AP1G1: variants seen among roughly 807,000 people sequenced by gnomAD.
AP1G1 encodes the protein AP-1 complex subunit gamma-1.
In AP1G1, 7 loss-of-function variants were observed where a neutral mutation model predicts 108.3. The ratio of observed to expected loss-of-function variants is 0.06; its 90% CI spans 0.04 to 0.12. The LOEUF is 0.12. Ranked by LOEUF, AP1G1 falls within the 10% of genes least tolerant of loss-of-function variation. The probability of loss-of-function intolerance (pLI) is 1.00; values close to 1 mark genes in which losing one functional copy is unlikely to be tolerated. For synonymous variants in AP1G1, 379 were observed against 353.5 expected (o/e 1.07, Z -0.81); for missense variants, 756 against 1,010.7 (o/e 0.75, Z 3.42).
At chr16:71,735,019 C>G (rs145452815) in intron 21 of AP1G1, among the ~76,000 whole-genome samples, 2 of 152,334 alleles carry the variant, frequency 1.3e-5, no homozygotes, top group East Asian at 3.9e-4. Context: ...CTGGCAACTT[C>G]ACTTAATGGT....
At chr16:71,768,423 C>A (rs1356842562) in intron 6 of AP1G1, among the ~76,000 whole-genome samples, 1 of 134,716 alleles carries the variant, frequency 7.4e-6, no homozygotes, top group Non-Finnish European at 1.5e-5. Context: ...ATCACTTGAA[C>A]CCAGGAGGTG....
intron 6 of AP1G1, chr16:71,766,319 C>T (rs2031310995): frequency 8.3e-6 from 3 of 362,756 alleles, no homozygotes; most frequent in South Asian, 4.4e-5. Flanking sequence ...TGAGACTATA[C>T]ATTCCTTATA....
intron 16 of AP1G1, 45 bp from the exon 17 acceptor site, chr16:71,746,737 T>C (rs765790128): frequency 2.6e-5 from 37 of 1,436,618 alleles, no homozygotes; most frequent in Admixed American, 3.4e-5. Flanking sequence ...AAAAGAAAAT[T>C]CACAAATAAG....
intron 2 of AP1G1, among the ~76,000 whole-genome samples, chr16:71,782,361 A>G (rs1388215318): frequency 6.6e-6 from 1 of 151,588 alleles, no homozygotes; most frequent in Non-Finnish European, 1.5e-5. Flanking sequence ...ATGGGGTTTC[A>G]CTATGTTTGT....
At chr16:71,807,612 T>C (rs1362324114) in intron 1 of AP1G1, among the ~76,000 whole-genome samples, 3 of 152,116 alleles carry the variant, frequency 2.0e-5, no homozygotes, top group Admixed American at 6.6e-5. Context: ...ACGGTGGAAG[T>C]GAATATTTAA....
Position 71,756,066 on chromosome 16 carries a change from T to A in AP1G1, c.1182A>T (p.Pro394=), listed in dbSNP as rs1205959395. 6.2e-7 allele frequency: 1 copy of A among 1,613,400 alleles called. No homozygotes were observed. The stretch of plus-strand genomic sequence containing the variant: ...CAGATGCACAGTCTGCTTTAAATTC[T>A]GGCTCACACGAATCCAGAAAATAAA... The part of the protein sequence containing the change: ...ELLYFLDSCE[P]EFKADCASGI... Residue 394 remains proline (P), a synonymous_variant, in exon 12 of 23, where the codon CCA becomes CCT. Transcript: ENST00000299980.
rs940597162 is a variant in AP1G1, at chr16:71,799,959, G to A, written c.-4+8804C>T. On this transcript the variant is annotated intron_variant, in intron 1 of 22. Transcript: ENST00000299980. ...ATATTGGCTGGGTGCGGTGGCTCAC[G>A]CCTGTAACCCCAGCACTTTGGGAGG... is the stretch of plus-strand genomic sequence containing the variant. 3.0e-4 allele frequency among the ~76,000 whole-genome samples: 44 copies of A among 146,840 alleles called. 1 individual carries two copies. In the South Asian group the frequency reaches 4.5e-3, roughly 15 times the overall value.
At chr16:71,803,923 C>CAAAAA (rs534074123) in intron 1 of AP1G1, among the ~76,000 whole-genome samples, 6 of 73,660 alleles carry the variant, frequency 8.1e-5, no homozygotes, top group East Asian at 8.2e-4. Context: ...GACTCCGTCT[C>CAAAAA]AAAAAAAAAA....
In AP1G1 at chr16:71,773,296, G is replaced by A; in HGVS notation, c.393C>T (p.Ser131=). The A allele has an allele frequency of 6.2e-7, 1 of 1,603,416 alleles. No individual in the cohort carries two copies. The highest frequency in any genetic ancestry group is 1.3e-5 in the African/African-American group (1 of 74,184). Residue 131 remains serine, a synonymous_variant, in exon 4 of 23, where the codon TCC becomes TCT. Transcript: ENST00000299980. The part of the protein sequence containing the change: ...LALCTLGCMG[S]SEMCRDLAGE... ...CTGCAAGATCTCTGCACATCTCTGA[G>A]GAGCCCATGCAGCCGAGGGTACAAA...
At chr16:71,803,780 C>T (rs2032892939) in intron 1 of AP1G1, among the ~76,000 whole-genome samples, 1 of 151,972 alleles carries the variant, frequency 6.6e-6, no homozygotes, top group South Asian at 2.1e-4. Flanking sequence ...CAAAAATTAG[C>T]TAGGCATGGT....
chr16:71,777,522 G>A lies in AP1G1; in HGVS notation c.202-2930C>T, dbSNP rs915039602. On this transcript the variant is annotated intron_variant, in intron 2 of 22. Transcript: ENST00000299980. ...CAGGGCCCATAGCAAGGAGCCAGGCGAAGAGTGGCTGGACTTGTCTGTTCC... is the reference window on the plus strand; with the variant it reads ...CAGGGCCCATAGCAAGGAGCCAGGCAAAGAGTGGCTGGACTTGTCTGTTCC... 2.5e-4 allele frequency: 71 copies of A among 286,278 alleles called. 1 individual carries two copies. The Admixed American group carries it at 3.1e-3, about 12-fold the overall frequency. The allele number at this position is 286,278 out of a possible 1,614,324, so 17.7% of individuals were successfully genotyped here. A position where few individuals can be genotyped will look rare whatever the true frequency, so the allele number is the denominator to read the frequency against.
At chr16:71,790,021 T>A (rs1026460656) in intron 1 of AP1G1, among the ~76,000 whole-genome samples, 2 of 151,898 alleles carry the variant, frequency 1.3e-5, no homozygotes, top group Non-Finnish European at 2.9e-5. Flanking sequence ...ACTGTGTGTA[T>A]ACTTTGAAAA....
At chr16:71,746,811 AATTT>A (rs1240250237) in intron 16 of AP1G1, 119 bp from the exon 17 acceptor site, 1 of 666,560 alleles carries the variant, frequency 1.5e-6, no homozygotes, top group African/African-American at 1.8e-5. Context: ...ATTTTTTCTT[AATTT>A]ATATAGTTTT....
intron 21 of AP1G1, among the ~76,000 whole-genome samples, chr16:71,735,473 C>A (rs2045522119): frequency 6.6e-6 from 1 of 151,916 alleles, no homozygotes; most frequent in African/African-American, 2.4e-5. Flanking sequence ...ACCAGCCTGG[C>A]CAACACAGTG....
At chr16:71,803,594 T>C (rs2032886052) in intron 1 of AP1G1, among the ~76,000 whole-genome samples, 1 of 152,158 alleles carries the variant, frequency 6.6e-6, no homozygotes, top group South Asian at 2.1e-4. Context: ...TTAAGTGTAT[T>C]GTGTTACTAG....
At chr16:71,741,212 A>C (rs1394611155) in intron 19 of AP1G1, among the ~76,000 whole-genome samples, 2 of 152,230 alleles carry the variant, frequency 1.3e-5, no homozygotes, top group African/African-American at 4.8e-5. Flanking sequence ...GAAATAAAGG[A>C]AGGCTAGAAT....
chr16:71,781,491 C>T (rs1219495277), intron 2 of AP1G1, among the ~76,000 whole-genome samples: 1 of 152,226 alleles, frequency 6.6e-6, no homozygotes, highest in African/African-American at 2.4e-5. Context: ...TCTCATTTCT[C>T]CATCCCAGAA....
chr16:71,781,490 T>C (rs1252390806), intron 2 of AP1G1, among the ~76,000 whole-genome samples: 1 of 152,232 alleles, frequency 6.6e-6, no homozygotes, highest in Admixed American at 6.5e-5. Context: ...ATCTCATTTC[T>C]CCATCCCAGA....
intron 14 of AP1G1, 59 bp from the exon 15 acceptor site, chr16:71,750,042 G>A: frequency 1.3e-6 from 2 of 1,512,432 alleles, no homozygotes; most frequent in Non-Finnish European, 9.2e-7. Flanking sequence ...GTTATTTAAT[G>A]CAAATCATAG....
Sources: gnomAD v4.1 joint callset for allele counts (sites outside exome capture counted in the v4.1 genomes callset) on GRCh38, gnomAD v4.1.1 for gene constraint, MANE v1.5 for transcripts, NCBI Gene and HGNC (gene_info 2026-07-23, HGNC 2026-07-21) for gene names.